FYB1: variants seen among roughly 807,000 people sequenced by gnomAD.
FYB1 encodes the protein FYN-binding protein 1.
A neutral mutation model predicts 94.1 loss-of-function variants in FYB1; 41 were observed. That is an observed-to-expected ratio of 0.44 (90% CI 0.34 to 0.57). FYB1 has a LOEUF of 0.57. Ranked by LOEUF, FYB1 falls within the 20% of genes least tolerant of loss-of-function variation. The pLI, the probability that FYB1 is intolerant of heterozygous loss-of-function variation, is 0.02. For missense variants in FYB1, 1,050 were observed against 976.8 expected (o/e 1.07, Z -1.00); for synonymous variants, 367 against 353.2 (o/e 1.04, Z -0.44).
In FYB1 at chr5:39,139,221, A is replaced by G. The variant is rs1471228917; in HGVS notation, c.1359+12T>C. The G allele has an allele frequency of 8.2e-6, 12 of 1,464,392 alleles. No individual in the cohort carries two copies. The highest frequency in any genetic ancestry group is 1.0e-5 in the Non-Finnish European group (11 of 1,083,460). The allele number at this position is 1,464,392 out of a possible 1,614,324, so 90.7% of individuals were successfully genotyped here. A position where few individuals can be genotyped will look rare whatever the true frequency, so the allele number is the denominator to read the frequency against. On this transcript the variant is annotated intron_variant, in intron 5 of 18. Coordinates refer to ENST00000512982, the MANE Select transcript of FYB1 (RefSeq NM_001465.6). ...TATGTCAATATAATATGAGAAGAGA[A>G]AAAAATCTGACCTCATCTAGATTTC...
intron 3 of FYB1, among the ~76,000 whole-genome samples, chr5:39,151,477 A>G (rs1030676130): frequency 2.0e-5 from 3 of 152,044 alleles, no homozygotes; most frequent in African/African-American, 4.8e-5. Flanking sequence ...CTTAGTAGAG[A>G]CAGGGTCTCG....
At chr5:39,148,805 C>T (rs1353344347) in intron 3 of FYB1, among the ~76,000 whole-genome samples, 1 of 152,080 alleles carries the variant, frequency 6.6e-6, no homozygotes, top group Non-Finnish European at 1.5e-5. Flanking sequence ...CCTTTTCTAA[C>T]CTTAGTCACT....
intron 2 of FYB1, among the ~76,000 whole-genome samples, chr5:39,165,797 A>T (rs1744674608): frequency 6.6e-6 from 1 of 152,254 alleles, no homozygotes; most frequent in South Asian, 2.1e-4. Flanking sequence ...AAATAATTTC[A>T]TTAAAAAGTG....
At chr5:39,162,587 A>G (rs1387854198) in intron 2 of FYB1, among the ~76,000 whole-genome samples, 2 of 152,228 alleles carry the variant, frequency 1.3e-5, no homozygotes, top group East Asian at 3.9e-4. Context: ...CGGGAGGCTG[A>G]GGCAGGAGAA....
intron 1 of FYB1, among the ~76,000 whole-genome samples, chr5:39,236,093 C>T (rs1049707653): frequency 6.6e-6 from 1 of 151,802 alleles, no homozygotes; most frequent in African/African-American, 2.4e-5. Flanking sequence ...CTCTCAGATA[C>T]TAGATAAATT....
At chr5:39,170,456 A>T in intron 2 of FYB1, 1 of 357,370 alleles carries the variant, frequency 2.8e-6, no homozygotes, top group Admixed American at 4.4e-5. Context: ...AGGCTGAGTA[A>T]ACTTCCCTCC....
In FYB1 at chr5:39,188,397, C is replaced by G. The variant is rs149938867; in HGVS notation, c.1135+13429G>C. Among the ~76,000 whole-genome samples, 767 of 152,242 alleles carry G rather than the reference C, an allele frequency of 5.0e-3. 2 individuals are homozygous for G. Among genetic ancestry groups the G allele is most frequent in the Non-Finnish European group, 7.8e-3 (533 of 68,026 alleles). Reference sequence around the variant, plus strand: ...CTGCTAGTATCTTGGTTCAGTGTTACAGTATTTCTTTTAAGAAAAATATCT... The same window carrying G: ...CTGCTAGTATCTTGGTTCAGTGTTAGAGTATTTCTTTTAAGAAAAATATCT... On this transcript the variant is annotated intron_variant, in intron 2 of 18. Transcript: ENST00000512982.
chr5:39,233,210 G>T (rs1035954753), intron 1 of FYB1, among the ~76,000 whole-genome samples: 2 of 151,994 alleles, frequency 1.3e-5, no homozygotes, highest in African/African-American at 4.8e-5. Context: ...CAAATATTTG[G>T]CTGGGCAAAT....
At position 39,185,973 on chromosome 5, in the gene FYB1, C is replaced by T. The variant is rs144773317; in HGVS notation, c.1135+15853G>A. On this transcript the variant is annotated intron_variant, in intron 2 of 18. Coordinates refer to ENST00000512982, the MANE Select transcript of FYB1 (RefSeq NM_001465.6). Reference sequence around the variant, plus strand: ...GAGTGGGCGAAGCTGAGCAGAGTCCCGCTGGCTGCCTTGTCCAGGAGGAAA... The same window carrying T: ...GAGTGGGCGAAGCTGAGCAGAGTCCTGCTGGCTGCCTTGTCCAGGAGGAAA... Among the ~76,000 whole-genome samples the T allele has an allele frequency of 1.5e-3, 233 of 152,084 alleles. 2 individuals carry two copies. The highest frequency in any genetic ancestry group is 2.5e-3 in the East Asian group (13 of 5,156).
intron 2 of FYB1, among the ~76,000 whole-genome samples, chr5:39,181,286 G>A (rs1206220514): frequency 9.2e-5 from 14 of 152,288 alleles, no homozygotes; most frequent in South Asian, 8.3e-4. Context: ...CTTATATAGC[G>A]TATATAGTAT....
In FYB1 at chr5:39,161,988, T is replaced by G. The variant is rs4957355; in HGVS notation, c.1136-8384A>C. Among the ~76,000 whole-genome samples, 507 of 152,298 alleles carry G rather than the reference T, an allele frequency of 3.3e-3. 19 individuals are homozygous for G. Among genetic ancestry groups the G allele is most frequent in the Admixed American group, 0.032 (484 of 15,300 alleles). ...GTGACTAGTTTCTTTCACTTAGTTG[T>G]TTTTGCAGTTCAATTATATTGTAGC... On this transcript the variant is annotated intron_variant, in intron 2 of 18. Transcript: ENST00000512982.
intron 1 of FYB1, among the ~76,000 whole-genome samples, chr5:39,264,330 G>A (rs926696812): frequency 1.3e-5 from 2 of 152,202 alleles, no homozygotes; most frequent in Admixed American, 6.5e-5. Context: ...CAATCTGCAA[G>A]AGGGCCCTTA....
chr5:39,219,715 G>T, upstream of FYB1: 1 of 482,496 alleles, frequency 2.1e-6, no homozygotes, highest in Non-Finnish European at 2.7e-6. Context: ...ACTTAAAAGT[G>T]TCTGTTCAGC....
intron 1 of FYB1, among the ~76,000 whole-genome samples, chr5:39,230,426 A>G (rs993016869): frequency 2.0e-5 from 3 of 152,158 alleles, no homozygotes; most frequent in Non-Finnish European, 4.4e-5. Context: ...AACTCTGCCC[A>G]CACCTCAGAG....
rs1467963266 is a variant in FYB1, at chr5:39,202,997, T to C, written c.-27-10A>G. The C allele has an allele frequency of 1.2e-6, 2 of 1,609,706 alleles. No individual in the cohort carries two copies. Among genetic ancestry groups the C allele is most frequent in the Non-Finnish European group, 1.7e-6 (2 of 1,178,056 alleles). ...CATCTGCCTTTCCATCCTACAAACA[T>C]AGGGAACAAAAAATAGCTGAGAGAC... On this transcript the variant is annotated splice_polypyrimidine_tract_variant and intron_variant, in intron 1 of 18. Transcript: ENST00000512982.
intron 1 of FYB1, among the ~76,000 whole-genome samples, chr5:39,206,858 T>G (rs1748905574): frequency 6.6e-6 from 1 of 152,150 alleles, no homozygotes; most frequent in South Asian, 2.1e-4. Context: ...TTCACACAGA[T>G]GGAAACCTCT....
intron 1 of FYB1, among the ~76,000 whole-genome samples, chr5:39,272,670 CAAAAAA>C (rs1195291951): frequency 1.4e-5 from 1 of 70,874 alleles, no homozygotes. Context: ...AGACTCATCT[CAAAAAA>C]AAAAAAAAAA....
chr5:39,233,743 GT>G (rs1750845016), intron 1 of FYB1, among the ~76,000 whole-genome samples: 1 of 152,096 alleles, frequency 6.6e-6, no homozygotes, highest in African/African-American at 2.4e-5. Flanking sequence ...GTGGCATATT[GT>G]TTTGGTTGAA....
intron 1 of FYB1, among the ~76,000 whole-genome samples, chr5:39,231,554 C>T (rs1750746279): frequency 1.3e-5 from 2 of 151,942 alleles, no homozygotes; most frequent in African/African-American, 2.4e-5. Context: ...AATAAACAGC[C>T]CAGTCATAAG....
Sources: gnomAD v4.1 joint callset for allele counts (sites outside exome capture counted in the v4.1 genomes callset) on GRCh38, gnomAD v4.1.1 for gene constraint, MANE v1.5 for transcripts, NCBI Gene and HGNC (gene_info 2026-07-23, HGNC 2026-07-21) for gene names.